GPD1: variants seen among roughly 807,000 people sequenced by gnomAD.
GPD1 encodes glycerol-3-phosphate dehydrogenase 1, also known as glycerol-3-phosphate dehydrogenase [NAD(+)], cytoplasmic.
A neutral mutation model predicts 34.4 loss-of-function variants in GPD1; 19 were observed. That is an observed-to-expected ratio of 0.55 (90% CI 0.39 to 0.81). GPD1 has a LOEUF of 0.81. Among genes scored for constraint, GPD1 ranks in the 30% least tolerant of loss-of-function variants. The pLI is 0.00. For missense variants in GPD1, 429 were observed against 447.0 expected (o/e 0.96, Z 0.36); for synonymous variants, 172 against 174.1 (o/e 0.99, Z 0.09).
chr12:50,109,718 C>T lies in GPD1; in HGVS notation c.*199C>T. The T allele has an allele frequency of 3.6e-6, 2 of 562,280 alleles. No homozygotes were observed. The highest frequency in any genetic ancestry group is 6.4e-6 in the Non-Finnish European group (2 of 311,944). The allele number at this position is 562,280 out of a possible 1,614,324, so 34.8% of individuals were successfully genotyped here. On this transcript the variant is annotated 3_prime_UTR_variant, in exon 8 of 8. Transcript: ENST00000301149. Reference sequence around the variant, plus strand: ...TCAAGCCACTGGCAGCCTCATGCCACCACATTTGCCAGAAATGCAGTTGCC... The same window carrying T: ...TCAAGCCACTGGCAGCCTCATGCCATCACATTTGCCAGAAATGCAGTTGCC...
At position 50,110,994 on chromosome 12, in the gene GPD1, T is replaced by C. The variant is rs910363186; in HGVS notation, c.*1475T>C. 2.6e-5 allele frequency: 4 copies of C among 152,660 alleles called. No individual in the cohort carries two copies. Among genetic ancestry groups the C allele is most frequent in the Admixed American group, 6.5e-5 (1 of 15,280 alleles). 9.5% of individuals were successfully genotyped at this position (152,660 alleles called of 1,614,324 possible). A position where few individuals can be genotyped will look rare whatever the true frequency, so the allele number is the denominator to read the frequency against. ...GGCACACTGGCTCTGGCCAGCATTA[T>C]GCTAAAACCCTGTTACTCTCCAATG... On this transcript the variant is annotated 3_prime_UTR_variant, in exon 8 of 8. Coordinates refer to ENST00000301149, the MANE Select transcript of GPD1 (RefSeq NM_005276.4).
intron 1 of GPD1, 193 bp from the exon 2 acceptor site, chr12:50,104,381 G>A (rs1192203856): frequency 1.4e-6 from 1 of 710,972 alleles, no homozygotes; most frequent in African/African-American, 1.7e-5. Context: ...TAGTAGCAAA[G>A]GGTGAGGAGA....
At chr12:50,107,841 A>C (rs1278931751) in intron 6 of GPD1, 41 bp downstream of exon 6, 2 of 1,397,474 alleles carry the variant, frequency 1.4e-6, no homozygotes, top group African/African-American at 1.4e-5. Context: ...GCGGCTCTGT[A>C]GGCATCCAGG....
At chr12:50,105,818 T>G (rs1206890397) in intron 3 of GPD1, 130 bp downstream of exon 3, 4 of 951,730 alleles carry the variant, frequency 4.2e-6, no homozygotes, top group African/African-American at 1.6e-5. Flanking sequence ...AGAGAGGCAG[T>G]TGGCTCTGGA....
In GPD1 at chr12:50,106,342, C is replaced by G; in HGVS notation, c.415C>G (p.Arg139Gly). The stretch of plus-strand genomic sequence containing the variant: ...GCTCATCTCGGAAGTGATTGGGGAG[C>G]GCCTCGGCATCCCCATGAGTGTGCT... ...LKLISEVIGE[R>G]LGIPMSVLMG... is the part of the protein sequence containing the mutation. Residue 139 changes from arginine (R) to glycine (G), a missense_variant, in exon 4 of 8, where the codon CGC (arginine) becomes GGC (glycine). By Grantham distance (125) the Arg-to-Gly change is moderately radical. Coordinates refer to ENST00000301149, the MANE Select transcript of GPD1 (RefSeq NM_005276.4). 1 of 1,612,718 alleles carries G rather than the reference C, an allele frequency of 6.2e-7. No individual in the cohort carries two copies. The highest frequency in any genetic ancestry group is 8.5e-7 in the Non-Finnish European group (1 of 1,179,050).
intron 5 of GPD1, chr12:50,107,205 A>G (rs1487094345): frequency 3.0e-6 from 2 of 657,794 alleles, no homozygotes; most frequent in East Asian, 3.0e-5. Flanking sequence ...GGACAAGGAG[A>G]TGCCCAGGCT....
At chr12:50,107,966 C>A (rs946260148) in intron 6 of GPD1, 58 bp from the exon 7 acceptor site, 2 of 1,163,674 alleles carry the variant, frequency 1.7e-6, no homozygotes, top group African/African-American at 3.0e-5. Flanking sequence ...AGTCTCTCCA[C>A]CCCCTACTGA....
intron 1 of GPD1, 182 bp downstream of exon 1, chr12:50,104,273 C>T (rs1013572996): frequency 2.8e-6 from 2 of 709,734 alleles, no homozygotes; most frequent in South Asian, 1.6e-5. Flanking sequence ...TCCTGGGCAG[C>T]TGCACCTGTT....
At chr12:50,109,326 G>A (rs1951005386) in intron 7 of GPD1, 97 bp from the exon 8 acceptor site, 1 of 713,498 alleles carries the variant, frequency 1.4e-6, no homozygotes, top group Non-Finnish European at 2.6e-6. Context: ...TCCAAGGTGG[G>A]AGGGCAAGGG....
chr12:50,109,715 C>A lies in GPD1; in HGVS notation c.*196C>A. On this transcript the variant is annotated 3_prime_UTR_variant, in exon 8 of 8. Coordinates refer to ENST00000301149, the MANE Select transcript of GPD1 (RefSeq NM_005276.4). ...CTGTCAAGCCACTGGCAGCCTCATG[C>A]CACCACATTTGCCAGAAATGCAGTT... 1 of 565,412 alleles carries A rather than the reference C, an allele frequency of 1.8e-6. No individual in the cohort carries two copies. The highest frequency in any genetic ancestry group is 3.2e-6 in the Non-Finnish European group (1 of 313,900). 35.0% of individuals were successfully genotyped at this position (565,412 alleles called of 1,614,324 possible). A position where few individuals can be genotyped will look rare whatever the true frequency, so the allele number is the denominator to read the frequency against.
chr12:50,105,983 G>A, intron 3 of GPD1: 2 of 650,402 alleles, frequency 3.1e-6, no homozygotes, highest in East Asian at 2.8e-5. Flanking sequence ...AGTGTGAAGA[G>A]TAGCTGGTTT....
chr12:50,109,857 G>T lies in GPD1; in HGVS notation c.*338G>T. The T allele has an allele frequency of 3.7e-6, 1 of 273,526 alleles. No individual in the cohort carries two copies. The allele number at this position is 273,526 out of a possible 1,614,324, so 16.9% of individuals were successfully genotyped here. The stretch of plus-strand genomic sequence containing the variant: ...ATGTATGTGGAGAAGGGTTGGGGGA[G>T]AGGCCGGTAGGGCAGGGGCTGCTAG... On this transcript the variant is annotated 3_prime_UTR_variant, in exon 8 of 8. Transcript: ENST00000301149.
At position 50,104,663 on chromosome 12, in the gene GPD1, AC is replaced by A. The variant is rs1468959986; in HGVS notation, c.132del (p.Asp44GlufsTer7). 5 of 1,613,866 alleles carry A rather than the reference AC, an allele frequency of 3.1e-6. No homozygotes were observed. The highest frequency in any genetic ancestry group is 4.2e-6 in the Non-Finnish European group (5 of 1,179,732). On this transcript the variant is annotated frameshift_variant, in exon 2 of 8. Coordinates refer to ENST00000301149, the MANE Select transcript of GPD1 (RefSeq NM_005276.4). LOFTEE classifies it high-confidence loss of function. Reference sequence around the variant, plus strand: ...GTGACCATGTGGGTATTTGAGGAAGACATTGGAGGCAAAAAGCTGACTGAGA... The same window carrying A: ...GTGACCATGTGGGTATTTGAGGAAGAATTGGAGGCAAAAAGCTGACTGAGA... ...PRVTMWVFEE[D>X]IGGKKLTEII...
At position 50,109,741 on chromosome 12, in the gene GPD1, G is replaced by A. The variant is rs773502391; in HGVS notation, c.*222G>A. 1.8e-4 allele frequency: 99 copies of A among 539,978 alleles called. No individual in the cohort carries two copies. The highest frequency in any genetic ancestry group is 3.1e-4 in the Non-Finnish European group (93 of 298,268). 33.4% of individuals were successfully genotyped at this position (539,978 alleles called of 1,614,324 possible). A position where few individuals can be genotyped will look rare whatever the true frequency, so the allele number is the denominator to read the frequency against. On this transcript the variant is annotated 3_prime_UTR_variant, in exon 8 of 8. Coordinates refer to ENST00000301149, the MANE Select transcript of GPD1 (RefSeq NM_005276.4). ...CACCACATTTGCCAGAAATGCAGTT[G>A]CCCTGTCCCTCTCCAGATGTGGGGC...
intron 3 of GPD1, chr12:50,105,951 T>C (rs1336672609): frequency 1.5e-5 from 10 of 676,716 alleles, no homozygotes; most frequent in East Asian, 2.8e-5. Context: ...CTGGGAGATA[T>C]GAGAAGCGGG....
In GPD1 at chr12:50,104,671, G is replaced by A. The variant is rs747956861; in HGVS notation, c.139G>A (p.Gly47Ser). 6.8e-6 allele frequency: 11 copies of A among 1,613,946 alleles called. No homozygotes were observed. Among genetic ancestry groups the A allele is most frequent in the East Asian group, 2.2e-5 (1 of 44,900 alleles). Residue 47 changes from glycine (G) to serine (S), a missense_variant, in exon 2 of 8, where the codon GGC becomes AGC. By Grantham distance (56) the Gly-to-Ser change is moderately conservative. Transcript: ENST00000301149. ...GTGGGTATTTGAGGAAGACATTGGA[G>A]GCAAAAAGCTGACTGAGATCATCAA... is the stretch of plus-strand genomic sequence containing the variant. ...TMWVFEEDIGGKKLTEIINTQ... is the reference protein window; with the variant it reads ...TMWVFEEDIGSKKLTEIINTQ...
Position 50,109,422 on chromosome 12 carries a change from G to C in GPD1, c.954-1G>C, listed in dbSNP as rs112663732. On this transcript the variant is annotated splice_acceptor_variant, in intron 7 of 7. Transcript: ENST00000301149. LOFTEE classifies it high-confidence loss of function. ...GCTGAGCCTTTCCCTCTCCAATCTA[G>C]GTTTCCCTTGTTCATGGCTGTGTAC... 1.3e-6 allele frequency: 2 copies of C among 1,508,982 alleles called. No individual in the cohort carries two copies. Among genetic ancestry groups the C allele is most frequent in the East Asian group, 2.3e-5 (1 of 44,402 alleles). 93.5% of individuals were successfully genotyped at this position (1,508,982 alleles called of 1,614,324 possible).
intron 5 of GPD1, chr12:50,107,214 C>T (rs1037107635): frequency 3.4e-5 from 22 of 654,838 alleles, no homozygotes; most frequent in Admixed American, 8.3e-5. Context: ...GATGCCCAGG[C>T]TAATGGGAGA....
chr12:50,106,850 A>G lies in GPD1; in HGVS notation c.545A>G (p.Gln182Arg). ...AQGQLLKELM[Q>R]TPNFRITVVQ... is the part of the protein sequence containing the mutation. ...GGACAACTCCTGAAAGAGCTGATGC[A>G]GACACCAAACTTCCGTATCACAGTG... The change falls in exon 5 of 8, where the codon CAG (glutamine) becomes CGG (arginine). Residue 182 changes from glutamine (Q) to arginine (R), a missense_variant. Coordinates refer to ENST00000301149, the MANE Select transcript of GPD1 (RefSeq NM_005276.4). The G allele has an allele frequency of 6.2e-7, 1 of 1,612,808 alleles. No homozygotes were observed. Among genetic ancestry groups the G allele is most frequent in the Non-Finnish European group, 8.5e-7 (1 of 1,178,858 alleles).
Sources: gnomAD v4.1 joint callset for allele counts on GRCh38, gnomAD v4.1.1 for gene constraint, MANE v1.5 for transcripts, NCBI Gene and HGNC (gene_info 2026-07-23, HGNC 2026-07-21) for gene names.